The following SOX6 variants were observed in gnomAD, a reference collection of about 807,000 sequenced individuals.
SOX6 encodes transcription factor SOX-6.
SOX6 carries 11 observed loss-of-function variants against 97.8 expected under a neutral mutation model. That is an observed-to-expected ratio of 0.11 (90% confidence interval 0.07 to 0.19). SOX6 has a LOEUF of 0.19. Ranked by LOEUF, SOX6 falls within the 10% of genes least tolerant of loss-of-function variation. SOX6 has a pLI of 1.00. For missense variants in SOX6, 810 were observed against 1,039.5 expected, an observed-to-expected ratio of 0.78 and a Z score of 3.04; for synonymous variants, 360 against 371.4, an observed-to-expected ratio of 0.97 and a Z score of 0.35.
At chr11:16,346,506 C>T (rs987071138) in intron 1 of SOX6, among the ~76,000 whole-genome samples, 1 of 152,000 alleles carries the variant, frequency 6.6e-6, no homozygotes, top group African/African-American at 2.4e-5. Flanking sequence ...TCGGAAGGTG[C>T]TTACTAATTA....
chr11:16,500,079 A>G (rs1014628649), intron 4 of SOX6, among the ~76,000 whole-genome samples: 1 of 152,182 alleles, frequency 6.6e-6, no homozygotes, highest in African/African-American at 2.4e-5. Context: ...CTGGAAAACC[A>G]AATCCAGCAG....
chr11:16,240,091 A>C (rs1853139245), intron 3 of SOX6, among the ~76,000 whole-genome samples: 1 of 152,096 alleles, frequency 6.6e-6, no homozygotes, highest in Non-Finnish European at 1.5e-5. Flanking sequence ...GTTGTGCTAA[A>C]TTAGAACCAT....
intron 4 of SOX6, among the ~76,000 whole-genome samples, chr11:16,608,148 A>T (rs1346735023): frequency 6.6e-6 from 1 of 152,038 alleles, no homozygotes; most frequent in Admixed American, 6.6e-5. Flanking sequence ...TATTGGGGCT[A>T]GGGCTGCTGG....
At chr11:16,022,966 G>A (rs1855111459) in intron 12 of SOX6, among the ~76,000 whole-genome samples, 2 of 152,060 alleles carry the variant, frequency 1.3e-5, no homozygotes, top group Admixed American at 1.3e-4. Flanking sequence ...GGAATTTCTT[G>A]TAGCTCCCTG....
chr11:16,265,031 T>TA (rs1193846357), intron 3 of SOX6, among the ~76,000 whole-genome samples: 2 of 151,778 alleles, frequency 1.3e-5, no homozygotes, highest in African/African-American at 4.8e-5. Context: ...AGAACTCAGG[T>TA]AAAGCCTATT....
intron 4 of SOX6, among the ~76,000 whole-genome samples, chr11:16,550,332 G>A (rs1847668614): frequency 6.6e-6 from 1 of 152,202 alleles, no homozygotes; most frequent in East Asian, 1.9e-4. Context: ...TGGGGGAAGG[G>A]GAGGGATAGC....
chr11:16,017,993 A>C (rs908684870), intron 12 of SOX6, among the ~76,000 whole-genome samples: 3 of 152,166 alleles, frequency 2.0e-5, no homozygotes, highest in East Asian at 3.9e-4. Flanking sequence ...ATTGTCAGTC[A>C]CAAACATGCA....
chr11:16,726,062 A>G (rs1420493244), intron 2 of SOX6, among the ~76,000 whole-genome samples: 2 of 152,228 alleles, frequency 1.3e-5, no homozygotes, highest in Non-Finnish European at 2.9e-5. Flanking sequence ...AGGTTCTTCT[A>G]ATATCTACCT....
At chr11:16,289,043 T>C (rs917330953) in intron 3 of SOX6, among the ~76,000 whole-genome samples, 9 of 151,846 alleles carry the variant, frequency 5.9e-5, no homozygotes, top group African/African-American at 2.2e-4. Context: ...CTCATATTAA[T>C]GAATTTATTG....
chr11:16,589,785 T>C (rs1461187572), intron 4 of SOX6, among the ~76,000 whole-genome samples: 1 of 152,174 alleles, frequency 6.6e-6, no homozygotes, highest in Non-Finnish European at 1.5e-5. Context: ...CAGCAAGATA[T>C]TTAAATACTA....
At chr11:16,681,690 A>G (rs939552086) in intron 3 of SOX6, among the ~76,000 whole-genome samples, 9 of 152,322 alleles carry the variant, frequency 5.9e-5, no homozygotes, top group Admixed American at 1.3e-4. Flanking sequence ...TTGTGAAAAG[A>G]TCAACAAAAT....
intron 1 of SOX6, among the ~76,000 whole-genome samples, chr11:16,416,092 A>G (rs1225607005): frequency 6.6e-6 from 1 of 152,208 alleles, no homozygotes; most frequent in Non-Finnish European, 1.5e-5. Flanking sequence ...CATTAGCACC[A>G]CAGTAGGCTA....
intron 7 of SOX6, among the ~76,000 whole-genome samples, chr11:16,110,879 C>A (rs1849212652): frequency 6.6e-6 from 1 of 152,156 alleles, no homozygotes; most frequent in South Asian, 2.1e-4. Context: ...ACTTTATAAA[C>A]CACATACACA....
chr11:16,420,964 T>A (rs1859009391), intron 1 of SOX6, among the ~76,000 whole-genome samples: 1 of 152,028 alleles, frequency 6.6e-6, no homozygotes, highest in African/African-American at 2.4e-5. Flanking sequence ...TCTTAAACAA[T>A]CAGGTAAAAA....
intron 4 of SOX6, among the ~76,000 whole-genome samples, chr11:16,556,756 T>C (rs1429687799): frequency 6.6e-6 from 1 of 151,738 alleles, no homozygotes; most frequent in Non-Finnish European, 1.5e-5. Context: ...CTTTGTTCTA[T>C]TGCTTTTGCA....
chr11:16,616,381 A>C (rs1278903765), intron 3 of SOX6, among the ~76,000 whole-genome samples: 1 of 152,130 alleles, frequency 6.6e-6, no homozygotes, highest in African/African-American at 2.4e-5. Context: ...GTTTAAAACT[A>C]AATTTGACTA....
chr11:16,689,402 A>G (rs934995951), intron 3 of SOX6, among the ~76,000 whole-genome samples: 1 of 152,182 alleles, frequency 6.6e-6, no homozygotes, highest in African/African-American at 2.4e-5. Context: ...AGCTGGAACA[A>G]CTGTAGGGCT....
intron 1 of SOX6, among the ~76,000 whole-genome samples, chr11:16,421,989 A>G (rs1339835867): frequency 1.3e-5 from 2 of 152,242 alleles, no homozygotes; most frequent in Non-Finnish European, 2.9e-5. Context: ...ACTTTTGGTG[A>G]AACTGACTCA....
intron 13 of SOX6, among the ~76,000 whole-genome samples, chr11:16,003,798 G>A (rs1346442335): frequency 1.3e-5 from 2 of 151,952 alleles, no homozygotes; most frequent in Non-Finnish European, 2.9e-5. Context: ...TAATTTTGAT[G>A]TGGAAAATGT....
Sources: allele counts gnomAD v4.1 joint callset (sites outside exome capture counted in the v4.1 genomes callset), GRCh38; gene constraint gnomAD v4.1.1; transcripts MANE v1.5; gene names NCBI Gene and HGNC (gene_info 2026-07-23, HGNC 2026-07-21).